NEO1: variants seen among roughly 807,000 people sequenced by gnomAD.
The protein encoded by NEO1 is neogenin 1.
A neutral mutation model predicts 159.7 loss-of-function variants in NEO1; 63 were observed. The observed-to-expected ratio is 0.39, with a 90% CI of 0.32 to 0.49. The LOEUF (loss-of-function observed/expected upper bound fraction) is 0.49. Among genes scored for constraint, NEO1 ranks in the 20% least tolerant of loss-of-function variants. NEO1 has a pLI of 0.85. For synonymous variants in NEO1, 633 were observed against 662.0 expected (o/e 0.96, Z 0.67); for missense variants, 1,615 against 1,831.0 (o/e 0.88, Z 2.15).
intron 7 of NEO1, among the ~76,000 whole-genome samples, chr15:73,178,994 T>C (rs1027679719): frequency 5.3e-5 from 8 of 152,174 alleles, no homozygotes; most frequent in Non-Finnish European, 1.0e-4. Context: ...TTATTTTGCA[T>C]TGAAATTTTT....
intron 7 of NEO1, among the ~76,000 whole-genome samples, chr15:73,181,311 G>A (rs550684051): frequency 2.9e-4 from 44 of 152,192 alleles, no homozygotes; most frequent in Admixed American, 1.3e-4. Context: ...AAGACAGAGT[G>A]CAAGCTGGTT....
At chr15:73,200,866 T>G (rs2036842915) in intron 7 of NEO1, among the ~76,000 whole-genome samples, 1 of 151,790 alleles carries the variant, frequency 6.6e-6, no homozygotes, top group Admixed American at 6.6e-5. Flanking sequence ...GTATTTTTGG[T>G]AGAGACAGTT....
Position 73,122,891 on chromosome 15 carries a change from C to T in NEO1, c.724+91C>T, listed in dbSNP as rs912732992. On this transcript the variant is annotated intron_variant, in intron 3 of 28. Transcript: ENST00000261908. ...ATTTTTAAAAATAATGAATGTTGGCCGGGCGCAGTGGCTCACACCTGTAAT... is the reference window on the plus strand; with the variant it reads ...ATTTTTAAAAATAATGAATGTTGGCTGGGCGCAGTGGCTCACACCTGTAAT... 33 of 1,489,064 alleles carry T rather than the reference C, an allele frequency of 2.2e-5. 1 individual carries two copies. Among genetic ancestry groups the T allele is most frequent in the East Asian group, 6.8e-5 (3 of 43,924 alleles). 92.2% of individuals were successfully genotyped at this position (1,489,064 alleles called of 1,614,324 possible).
At chr15:73,194,308 C>T (rs1212126728) in intron 7 of NEO1, among the ~76,000 whole-genome samples, 1 of 152,102 alleles carries the variant, frequency 6.6e-6, no homozygotes, top group Non-Finnish European at 1.5e-5. Context: ...TTTTTATTCC[C>T]TAATGGCTTT....
intron 5 of NEO1, among the ~76,000 whole-genome samples, chr15:73,157,542 ACACT>A (rs1419768507): frequency 2.0e-5 from 3 of 152,216 alleles, no homozygotes; most frequent in African/African-American, 7.2e-5. Flanking sequence ...CTGCAGAAAT[ACACT>A]CACTCACCCT....
Position 73,116,806 on chromosome 15 carries a change from G to C in NEO1, c.397G>C (p.Val133Leu). 2.5e-6 allele frequency: 4 copies of C among 1,609,846 alleles called. No individual in the cohort carries two copies. ...AGGTTATTATCAGTGTGTGGCCACT[G>C]TTGAGAGTCTTGGAACTATTATCAG... is the stretch of plus-strand genomic sequence containing the variant. ...DEGYYQCVATVESLGTIISRT... is the reference protein window; with the variant it reads ...DEGYYQCVATLESLGTIISRT... Residue 133 changes from valine to leucine, a missense_variant, in exon 2 of 29, where the codon GTT (valine) becomes CTT (leucine). Val to Leu is a conservative substitution (Grantham distance 32, BLOSUM62 1). Transcript: ENST00000261908.
At chr15:73,176,071 G>T (rs974360182) in intron 5 of NEO1, among the ~76,000 whole-genome samples, 4 of 152,154 alleles carry the variant, frequency 2.6e-5, no homozygotes, top group African/African-American at 7.2e-5. Context: ...TTAAAAAATG[G>T]TATAAATCTT....
At chr15:73,176,605 T>C in intron 6 of NEO1, 48 bp downstream of exon 6, 3 of 1,452,228 alleles carry the variant, frequency 2.1e-6, no homozygotes, top group Non-Finnish European at 2.8e-6. Flanking sequence ...CCTTTAGATA[T>C]TTTTAAATGT....
chr15:73,067,160 G>C (rs1011322398), intron 1 of NEO1, among the ~76,000 whole-genome samples: 3 of 152,130 alleles, frequency 2.0e-5, no homozygotes. Context: ...TTATTGAGTA[G>C]CCAAAAGCAA....
chr15:73,060,963 C>T (rs1428732511), intron 1 of NEO1, among the ~76,000 whole-genome samples: 1 of 152,128 alleles, frequency 6.6e-6, no homozygotes. Context: ...GTTTATTAAT[C>T]GTACCTCACC....
chr15:73,209,956 T>C (rs1193670573), intron 7 of NEO1, among the ~76,000 whole-genome samples: 1 of 152,066 alleles, frequency 6.6e-6, no homozygotes, highest in African/African-American at 2.4e-5. Flanking sequence ...GGAGCCGAGA[T>C]CGCACCATTG....
chr15:73,260,174 A>G (rs1338905242), intron 14 of NEO1, 97 bp from the exon 15 acceptor site: 2 of 1,147,458 alleles, frequency 1.7e-6, no homozygotes, highest in Non-Finnish European at 2.5e-6. Flanking sequence ...CTTAGCCCCA[A>G]ACAGTGTGGT....
Position 73,052,575 on chromosome 15 carries a change from G to A in NEO1, c.-101G>A, listed in dbSNP as rs945608571. On this transcript the variant is annotated 5_prime_UTR_variant, in exon 1 of 29. Transcript: ENST00000261908. ...GGCTGGAGCAGCGGCGGCCGCGGGAGCCGAGCTTGCAGCGAGGGACCGGCT... is the reference window on the plus strand; with the variant it reads ...GGCTGGAGCAGCGGCGGCCGCGGGAACCGAGCTTGCAGCGAGGGACCGGCT... The A allele has an allele frequency of 2.8e-6, 2 of 712,792 alleles. No homozygotes were observed. The highest frequency in any genetic ancestry group is 5.6e-4 in the Middle Eastern group (1 of 1,788). 44.2% of individuals were successfully genotyped at this position (712,792 alleles called of 1,614,324 possible).
At chr15:73,283,407 C>T (rs2041810804) in intron 23 of NEO1, among the ~76,000 whole-genome samples, 1 of 152,208 alleles carries the variant, frequency 6.6e-6, no homozygotes, top group African/African-American at 2.4e-5. Flanking sequence ...CACCATCATC[C>T]TTGGGCCTGA....
At chr15:73,270,530 A>G (rs1426500367) in intron 18 of NEO1, 76 bp downstream of exon 18, 1 of 1,472,896 alleles carries the variant, frequency 6.8e-7, no homozygotes, top group Non-Finnish European at 9.1e-7. Context: ...GAATTGACAT[A>G]TTTACAAAAC....
intron 22 of NEO1, 98 bp from the exon 23 acceptor site, chr15:73,282,866 C>A: frequency 7.2e-7 from 1 of 1,397,174 alleles, no homozygotes; most frequent in Non-Finnish European, 9.8e-7. Flanking sequence ...TGAGTGTTAT[C>A]AAGAAGTTCA....
At chr15:73,187,257 T>G (rs2035984068) in intron 7 of NEO1, among the ~76,000 whole-genome samples, 1 of 152,224 alleles carries the variant, frequency 6.6e-6, no homozygotes, top group Non-Finnish European at 1.5e-5. Flanking sequence ...GTAAACTATC[T>G]GTAGTTTGTA....
At chr15:73,056,799 G>GT (rs556643949) in intron 1 of NEO1, among the ~76,000 whole-genome samples, 93 of 152,028 alleles carry the variant, frequency 6.1e-4, no homozygotes, top group African/African-American at 2.2e-3. Flanking sequence ...TAGTTTTAGC[G>GT]TTTTTTTAGT....
intron 1 of NEO1, among the ~76,000 whole-genome samples, chr15:73,105,769 TA>T (rs1433831504): frequency 2.6e-5 from 4 of 152,184 alleles, no homozygotes; most frequent in African/African-American, 9.6e-5. Context: ...AGATTTAGGT[TA>T]GACACTTTGG....
Sources: gnomAD v4.1 joint callset for allele counts (sites outside exome capture counted in the v4.1 genomes callset) on GRCh38, gnomAD v4.1.1 for gene constraint, MANE v1.5 for transcripts, NCBI Gene and HGNC (gene_info 2026-07-23, HGNC 2026-07-21) for gene names.